Variants in CHN1 observed in about 807,000 individuals in gnomAD.
CHN1 encodes N-chimaerin.
CHN1 carries 37 observed loss-of-function variants against 59.5 expected under a neutral mutation model. The observed-to-expected ratio is 0.62, with a 90% confidence interval of 0.48 to 0.82. The LOEUF is 0.82. Among genes scored for constraint, CHN1 ranks in the 40% least tolerant of loss-of-function variants. The probability of loss-of-function intolerance (pLI) is 0.00; values close to 1 mark genes in which losing one functional copy is unlikely to be tolerated. For synonymous variants in CHN1, 206 were observed against 200.4 expected (o/e 1.03, Z -0.24); for missense variants, 469 against 571.0 (o/e 0.82, Z 1.82).
intron 1 of CHN1, among the ~76,000 whole-genome samples, chr2:174,966,912 T>C (rs1690611018): frequency 6.6e-6 from 1 of 152,186 alleles, no homozygotes; most frequent in South Asian, 2.1e-4. Context: ...CTGGTTCCCA[T>C]TTGGATTTTG....
At chr2:174,880,298 GA>G (rs1687694072) in intron 5 of CHN1, among the ~76,000 whole-genome samples, 1 of 152,172 alleles carries the variant, frequency 6.6e-6, no homozygotes, top group Non-Finnish European at 1.5e-5. Context: ...TCTTTTTAAA[GA>G]AAAACTGCAT....
At chr2:174,968,838 C>T (rs774325337) in intron 1 of CHN1, among the ~76,000 whole-genome samples, 3 of 152,300 alleles carry the variant, frequency 2.0e-5, no homozygotes, top group South Asian at 2.1e-4. Context: ...ATTTTTATAA[C>T]GCATTTGGCA....
intron 5 of CHN1, among the ~76,000 whole-genome samples, chr2:174,886,465 T>C (rs1687898658): frequency 6.6e-6 from 1 of 152,212 alleles, no homozygotes; most frequent in African/African-American, 2.4e-5. Context: ...TCCTTGCAGG[T>C]TATTAACTGT....
At chr2:174,944,849 T>C in intron 3 of CHN1, 39 bp downstream of exon 3, 1 of 1,499,228 alleles carries the variant, frequency 6.7e-7, no homozygotes, top group Non-Finnish European at 9.1e-7. Flanking sequence ...AAACAGATGG[T>C]TGAGAGACAT....
At chr2:174,897,220 A>T (rs1003012167) in intron 5 of CHN1, among the ~76,000 whole-genome samples, 3 of 152,308 alleles carry the variant, frequency 2.0e-5, no homozygotes, top group South Asian at 2.1e-4. Context: ...ATTATTCCTG[A>T]ATTAAGCAAT....
chr2:174,929,346 G>A (rs539460159), intron 3 of CHN1, among the ~76,000 whole-genome samples: 5 of 152,182 alleles, frequency 3.3e-5, no homozygotes, highest in Non-Finnish European at 7.3e-5. Flanking sequence ...GGGAGGCCAA[G>A]GTGGGCGGAT....
intron 1 of CHN1, among the ~76,000 whole-genome samples, chr2:174,969,819 T>C (rs1466190162): frequency 6.6e-6 from 1 of 152,190 alleles, no homozygotes; most frequent in Non-Finnish European, 1.5e-5. Flanking sequence ...TTGTCATCTG[T>C]TGTCACACTG....
chr2:174,984,344 A>G (rs1191808734), intron 1 of CHN1, among the ~76,000 whole-genome samples: 1 of 150,430 alleles, frequency 6.6e-6, no homozygotes, highest in African/African-American at 2.5e-5. Context: ...TTCAATGAAA[A>G]TTACAGAATG....
At chr2:174,825,036 C>T (rs1278549056) in intron 7 of CHN1, among the ~76,000 whole-genome samples, 1 of 152,136 alleles carries the variant, frequency 6.6e-6, no homozygotes, top group African/African-American at 2.4e-5. Context: ...TAAATCAGAC[C>T]AATATTCTGT....
chr2:174,810,666 T>G (rs935808768), intron 10 of CHN1, among the ~76,000 whole-genome samples: 2 of 152,210 alleles, frequency 1.3e-5, no homozygotes, highest in Non-Finnish European at 2.9e-5. Flanking sequence ...TCTTTGCTCT[T>G]ATCACATACA....
intron 7 of CHN1, among the ~76,000 whole-genome samples, chr2:174,842,438 T>C (rs1253829832): frequency 6.6e-6 from 1 of 152,208 alleles, no homozygotes. Context: ...AAAAATGGAA[T>C]ACTTGTAATA....
At chr2:174,809,564 C>T (rs1685009340) in intron 10 of CHN1, among the ~76,000 whole-genome samples, 1 of 152,158 alleles carries the variant, frequency 6.6e-6, no homozygotes. Flanking sequence ...TTACTATGTA[C>T]GTTGTTATTA....
rs1574031247 is a variant in CHN1 at position 174,801,937 on chromosome 2, T to C, written c.1103-125A>G. The C allele has an allele frequency of 5.7e-6, 4 of 705,790 alleles. No homozygotes were observed. In the East Asian group the frequency reaches 1.2e-4, roughly 21 times the overall value. The allele number at this position is 705,790 out of a possible 1,614,324, so 43.7% of individuals were successfully genotyped here. ...TAAGAAATGCTTTCTCGTAATTCCTTGTCCACAGCTTTGGAAATTATTTTT... is the reference window on the plus strand; with the variant it reads ...TAAGAAATGCTTTCTCGTAATTCCTCGTCCACAGCTTTGGAAATTATTTTT... On this transcript the variant is annotated intron_variant, in intron 11 of 12. Coordinates refer to ENST00000409900, the MANE Select transcript of CHN1 (RefSeq NM_001822.7).
chr2:174,942,131 T>C (rs1019951354), intron 3 of CHN1, among the ~76,000 whole-genome samples: 3 of 152,172 alleles, frequency 2.0e-5, no homozygotes, highest in East Asian at 3.8e-4. Flanking sequence ...ATAGAACTAC[T>C]GTATAATCCA....
At chr2:175,003,678 T>C (rs1408076723) in intron 1 of CHN1, among the ~76,000 whole-genome samples, 3 of 152,200 alleles carry the variant, frequency 2.0e-5, no homozygotes, top group African/African-American at 7.2e-5. Context: ...TTTTTTAAAG[T>C]ACCTATGGAG....
At chr2:174,821,104 C>A (rs973294840) in intron 8 of CHN1, among the ~76,000 whole-genome samples, 3 of 152,148 alleles carry the variant, frequency 2.0e-5, no homozygotes, top group African/African-American at 7.2e-5. Flanking sequence ...ATTATTAATA[C>A]CACAAACTCC....
intron 6 of CHN1, among the ~76,000 whole-genome samples, chr2:174,869,508 T>G (rs34071423): frequency 8.6e-5 from 13 of 151,534 alleles, no homozygotes; most frequent in Admixed American, 8.5e-4. Flanking sequence ...TCCTGGGGTC[T>G]GGGTGGGGGT....
intron 2 of CHN1, among the ~76,000 whole-genome samples, chr2:174,949,475 A>G (rs1689951456): frequency 6.6e-6 from 1 of 151,696 alleles, no homozygotes; most frequent in Non-Finnish European, 1.5e-5. Context: ...TCCCACCTCC[A>G]CCTCCCAAGT....
At chr2:174,831,897 G>A (rs898037014) in intron 7 of CHN1, among the ~76,000 whole-genome samples, 2 of 152,042 alleles carry the variant, frequency 1.3e-5, no homozygotes, top group African/African-American at 4.8e-5. Flanking sequence ...AGGTACAATA[G>A]GAAAATAAAT....
Sources: gnomAD v4.1 joint callset for allele counts (sites outside exome capture counted in the v4.1 genomes callset) on GRCh38, gnomAD v4.1.1 for gene constraint, MANE v1.5 for transcripts, NCBI Gene and HGNC (gene_info 2026-07-23, HGNC 2026-07-21) for gene names.